The following ALAS1 variants were observed in gnomAD, a reference collection of about 807,000 sequenced individuals.
ALAS1 encodes the protein 5-aminolevulinate synthase, non-specific, mitochondrial.
ALAS1 carries 29 observed loss-of-function variants against 59.6 expected under a neutral mutation model. That is an observed-to-expected ratio of 0.49 (90% CI 0.36 to 0.66). ALAS1 has a LOEUF of 0.66. Among genes scored for constraint, ALAS1 ranks in the 30% least tolerant of loss-of-function variants. The pLI, the probability that ALAS1 is intolerant of heterozygous loss-of-function variation, is 0.00. For missense variants in ALAS1, 690 were observed against 807.5 expected (o/e 0.85, Z 1.76); for synonymous variants, 299 against 296.6 (o/e 1.01, Z -0.08).
chr3:52,202,763 G>A, intron 4 of ALAS1, 29 bp downstream of exon 4: 2 of 1,597,260 alleles, frequency 1.3e-6, no homozygotes, highest in Non-Finnish European at 8.6e-7. Context: ...ACCATTAGTG[G>A]TAGTGAAGGG....
chr3:52,212,635 G>A (rs761394856), intron 11 of ALAS1: 25 of 532,786 alleles, frequency 4.7e-5, no homozygotes, highest in African/African-American at 9.6e-5. Context: ...AGGTTCAAGC[G>A]ATTCTCCTGC....
In ALAS1 at chr3:52,208,197, G is replaced by A. The variant is rs2107276367; in HGVS notation, c.1280G>A (p.Gly427Glu). The A allele has an allele frequency of 6.2e-7, 1 of 1,614,182 alleles. No individual in the cohort carries two copies. Among genetic ancestry groups the A allele is most frequent in the Non-Finnish European group, 8.5e-7 (1 of 1,180,020 alleles). ...GLYGARGGGI[G>E]DRDGVMPKMD... is the part of the protein sequence containing the mutation. ...TATGGGGCTCGAGGCGGAGGGATTG[G>A]GGATCGGGATGGAGTCATGCCAAAA... Residue 427 changes from glycine to glutamate, a missense_variant, in exon 9 of 12, where the codon GGG becomes GAG. By Grantham distance (98) the Gly-to-Glu change is moderately conservative. Coordinates refer to ENST00000484952, the MANE Select transcript of ALAS1 (RefSeq NM_000688.6).
At chr3:52,203,712 T>G in intron 4 of ALAS1, 151 bp from the exon 5 acceptor site, 1 of 762,430 alleles carries the variant, frequency 1.3e-6, no homozygotes, top group Non-Finnish European at 2.0e-6. Context: ...ATAGAAGAGA[T>G]GCTTTGTACA....
intron 3 of ALAS1, among the ~76,000 whole-genome samples, 171 bp downstream of exon 3, chr3:52,199,611 C>T (rs895254642): frequency 4.6e-5 from 7 of 152,264 alleles, no homozygotes; most frequent in Admixed American, 2.6e-4. Flanking sequence ...CAAGGGTAGG[C>T]ACTTTTAGCT....
chr3:52,213,017 T>TG (rs1699444694), intron 11 of ALAS1, among the ~76,000 whole-genome samples: 1 of 152,174 alleles, frequency 6.6e-6, no homozygotes, highest in South Asian at 2.1e-4. Context: ...AGTAATGACT[T>TG]GCAGGGAGAA....
Position 52,211,322 on chromosome 3 carries a change from C to G in ALAS1, c.1370C>G (p.Thr457Arg). The G allele has an allele frequency of 6.2e-7, 1 of 1,614,180 alleles. No individual in the cohort carries two copies. The highest frequency in any genetic ancestry group is 1.1e-5 in the South Asian group (1 of 91,086). Reference protein sequence around the residue: ...FGCVGGYIASTSSLIDTVRSY... With the variant: ...FGCVGGYIASRSSLIDTVRSY... ...TGTGTTGGAGGGTACATCGCCAGCA[C>G]GAGTTCTCTGATTGACACCGTACGG... Residue 457 changes from threonine to arginine, a missense_variant, in exon 10 of 12, where the codon ACG (threonine) becomes AGG (arginine). Physicochemically the swap from Thr to Arg is moderately conservative, Grantham distance 71 (BLOSUM62 -1). Transcript: ENST00000484952.
chr3:52,214,302 G>A lies in ALAS1; in HGVS notation c.*122G>A, dbSNP rs552476777. 154 of 952,402 alleles carry A rather than the reference G, an allele frequency of 1.6e-4. No individual in the cohort carries two copies. Among genetic ancestry groups the A allele is most frequent in the South Asian group, 4.4e-4 (18 of 41,310 alleles). 59.0% of individuals were successfully genotyped at this position (952,402 alleles called of 1,614,324 possible). ...TAATCTATAGTAAAAACATAGTCCT[G>A]GAAATAAATTCTTGCTTAAATGGTG... On this transcript the variant is annotated 3_prime_UTR_variant, in exon 12 of 12. Coordinates refer to ENST00000484952, the MANE Select transcript of ALAS1 (RefSeq NM_000688.6).
At chr3:52,199,862 C>T (rs1699152859) in intron 3 of ALAS1, among the ~76,000 whole-genome samples, 1 of 152,140 alleles carries the variant, frequency 6.6e-6, no homozygotes, top group Non-Finnish European at 1.5e-5. Flanking sequence ...TGCTCTGTCG[C>T]CCAGGTTGGA....
chr3:52,212,511 C>A, intron 11 of ALAS1, 91 bp downstream of exon 11: 1 of 1,476,540 alleles, frequency 6.8e-7, no homozygotes, highest in Non-Finnish European at 9.4e-7. Flanking sequence ...CAGAGGCATT[C>A]AGATTTGTTT....
intron 7 of ALAS1, 92 bp from the exon 8 acceptor site, chr3:52,206,480 G>A: frequency 2.8e-6 from 4 of 1,407,976 alleles, no homozygotes; most frequent in Non-Finnish European, 3.9e-6. Flanking sequence ...CATTTTCAAA[G>A]CATCATTTCC....
chr3:52,203,748 G>T, intron 4 of ALAS1, 115 bp from the exon 5 acceptor site: 1 of 1,208,050 alleles, frequency 8.3e-7, no homozygotes, highest in African/African-American at 1.5e-5. Context: ...CTTTGGTTAT[G>T]CTTGGCCTTT....
At chr3:52,199,603 A>G (rs568882551) in intron 3 of ALAS1, among the ~76,000 whole-genome samples, 163 bp downstream of exon 3, 2 of 152,302 alleles carry the variant, frequency 1.3e-5, no homozygotes, top group African/African-American at 4.8e-5. Context: ...TGTCCCCCCA[A>G]GGGTAGGCAC....
intron 5 of ALAS1, among the ~76,000 whole-genome samples, chr3:52,204,235 T>C: frequency 6.6e-6 from 1 of 152,174 alleles, no homozygotes; most frequent in African/African-American, 2.4e-5. Context: ...GTTTTTTTAA[T>C]TAGCCAGGCA....
chr3:52,214,229 A>G lies in ALAS1; in HGVS notation c.*49A>G, dbSNP rs1005444899. 2 of 1,504,948 alleles carry G rather than the reference A, an allele frequency of 1.3e-6. No individual in the cohort carries two copies. The highest frequency in any genetic ancestry group is 2.8e-5 in the African/African-American group (2 of 72,606). 93.2% of individuals were successfully genotyped at this position (1,504,948 alleles called of 1,614,324 possible). ...AACCCCAGGCCATTATCATATCCAG[A>G]TGGTCTTCAGAGTTGTCTTTATATG... On this transcript the variant is annotated 3_prime_UTR_variant, in exon 12 of 12. Transcript: ENST00000484952.
rs183533237 is a variant in ALAS1 at position 52,202,347 on chromosome 3, C to T, written c.200-160C>T. On this transcript the variant is annotated intron_variant, in intron 3 of 11. Transcript: ENST00000484952. ...CCTGGGGTACAGAGCAAGACTCCATCTTAAAAACAAAACAAAACAAAAAAA... is the reference window on the plus strand; with the variant it reads ...CCTGGGGTACAGAGCAAGACTCCATTTTAAAAACAAAACAAAACAAAAAAA... Among the ~76,000 whole-genome samples the T allele has an allele frequency of 2.4e-3, 370 of 152,222 alleles. 4 individuals are homozygous for T. The highest frequency in any genetic ancestry group is 3.5e-3 in the Non-Finnish European group (241 of 68,014).
At chr3:52,211,914 G>C (rs956588844) in intron 10 of ALAS1, among the ~76,000 whole-genome samples, 7 of 152,220 alleles carry the variant, frequency 4.6e-5, no homozygotes, top group African/African-American at 1.7e-4. Context: ...TGGTAGCACT[G>C]TTGATGTCAC....
intron 2 of ALAS1, 67 bp downstream of exon 2, chr3:52,198,915 C>T (rs1699127636): frequency 1.3e-6 from 2 of 1,494,998 alleles, no homozygotes; most frequent in African/African-American, 1.4e-5. Flanking sequence ...CAAACCTGTT[C>T]TTGACCTTTC....
intron 1 of ALAS1, 100 bp downstream of exon 1, chr3:52,198,355 A>G (rs1483562716): frequency 2.4e-6 from 1 of 413,148 alleles, no homozygotes; most frequent in African/African-American, 2.1e-5. Context: ...CCCATCCCCC[A>G]CTGTCCCAGT....
rs764894530 is a variant in ALAS1 at position 52,205,780 on chromosome 3, T to A, written c.801-59T>A. 6.1e-4 allele frequency: 916 copies of A among 1,492,750 alleles called. 1 individual carries two copies. Among genetic ancestry groups the A allele is most frequent in the Non-Finnish European group, 7.8e-4 (861 of 1,105,494 alleles). 92.5% of individuals were successfully genotyped at this position (1,492,750 alleles called of 1,614,324 possible). A position where few individuals can be genotyped will look rare whatever the true frequency, so the allele number is the denominator to read the frequency against. On this transcript the variant is annotated intron_variant, in intron 6 of 11. Coordinates refer to ENST00000484952, the MANE Select transcript of ALAS1 (RefSeq NM_000688.6). The stretch of plus-strand genomic sequence containing the variant: ...CTGGATCCTAGAAAGGGGAAAAAAT[T>A]CACATGGTGTTGAGAACCATGAGCT...
Sources: gnomAD v4.1 joint callset for allele counts (sites outside exome capture counted in the v4.1 genomes callset) on GRCh38, gnomAD v4.1.1 for gene constraint, MANE v1.5 for transcripts, NCBI Gene and HGNC (gene_info 2026-07-23, HGNC 2026-07-21) for gene names.